Variants in TFAP2D observed in about 807,000 individuals in gnomAD.
TFAP2D encodes the protein transcription factor AP-2 delta.
Under a neutral mutation model 43.6 loss-of-function variants are expected in TFAP2D, and 9 were observed. The observed-to-expected ratio is 0.21, with a 90% CI of 0.12 to 0.36. The LOEUF is 0.36. TFAP2D is among the 10% of genes least tolerant of loss of function. The pLI is 1.00. For missense variants in TFAP2D, 513 were observed against 561.4 expected, an observed-to-expected ratio of 0.91 and a Z score of 0.87; for synonymous variants, 256 against 224.9, an observed-to-expected ratio of 1.14 and a Z score of -1.24.
In TFAP2D at chr6:50,745,258, A is replaced by G. The variant is rs755015192; in HGVS notation, c.1025+10A>G. On this transcript the variant is annotated intron_variant, in intron 6 of 7. Transcript: ENST00000008391. ...TGATCCTGGCGACCAAGTAAGCAGA[A>G]TGGGGAAACCTCTGTGTGCTTTCAT... 1.1e-5 allele frequency: 18 copies of G among 1,613,162 alleles called. No homozygotes were observed. The highest frequency in any genetic ancestry group is 1.4e-5 in the Non-Finnish European group (17 of 1,179,586).
chr6:50,717,735 T>A (rs1013746806), intron 2 of TFAP2D, among the ~76,000 whole-genome samples: 1 of 152,248 alleles, frequency 6.6e-6, no homozygotes, highest in Admixed American at 6.5e-5. Flanking sequence ...AGCAAGTTTG[T>A]AAATCTGACA....
At position 50,745,118 on chromosome 6, in the gene TFAP2D, C is replaced by A; in HGVS notation, c.895C>A (p.His299Asn). The change falls in exon 6 of 8, where the codon CAC becomes AAC. Residue 299 changes from histidine (H) to asparagine (N), a missense_variant. This residue lies in a region of TFAP2D where 199 missense variants were observed against 227.9 expected (regional missense o/e 0.87). Transcript: ENST00000008391. Reference protein sequence around the residue: ...LTSLVEGEALHLARDFGYTCE... With the variant: ...LTSLVEGEALNLARDFGYTCE... The stretch of plus-strand genomic sequence containing the variant: ...TTATCTGCCAACAGGGGAGGCTTTG[C>A]ACTTGGCTCGGGATTTTGGCTACAC... 1.2e-6 allele frequency: 2 copies of A among 1,613,518 alleles called. No individual in the cohort carries two copies. The highest frequency in any genetic ancestry group is 2.2e-5 in the East Asian group (1 of 44,862).
rs1768606334 is a variant in TFAP2D at position 50,715,523 on chromosome 6, C to T, written c.447C>T (p.Ser149=). The part of the protein sequence containing the change: ...AYRRHDLSLM[S]HGSQYGMHPD... ...GCCGCCATGACCTGTCCCTCATGAGCCATGGCTCTCAGTATGGAATGCACC... is the reference window on the plus strand; with the variant it reads ...GCCGCCATGACCTGTCCCTCATGAGTCATGGCTCTCAGTATGGAATGCACC... The change falls in exon 2 of 8, where the codon AGC becomes AGT. Residue 149 remains serine, a synonymous_variant. Coordinates refer to ENST00000008391, the MANE Select transcript of TFAP2D (RefSeq NM_172238.4). 1.2e-6 allele frequency: 2 copies of T among 1,612,796 alleles called. No individual in the cohort carries two copies. Among genetic ancestry groups the T allele is most frequent in the South Asian group, 1.1e-5 (1 of 91,080 alleles).
intron 3 of TFAP2D, among the ~76,000 whole-genome samples, chr6:50,723,109 C>T (rs1433901332): frequency 6.6e-6 from 1 of 152,210 alleles, no homozygotes; most frequent in Admixed American, 6.5e-5. Flanking sequence ...TGTCAGAGCG[C>T]TTAGAGGTGA....
chr6:50,729,355 G>A (rs374406328), intron 5 of TFAP2D, 43 bp downstream of exon 5: 18 of 1,543,642 alleles, frequency 1.2e-5, no homozygotes, highest in East Asian at 9.0e-5. Context: ...GAAGGTTGGC[G>A]TGTCTTTGAA....
At chr6:50,749,887 G>A (rs12211790) in intron 6 of TFAP2D, among the ~76,000 whole-genome samples, 37,253 of 151,736 alleles carry the variant, frequency 0.25, 5,288 homozygotes, top group East Asian at 0.43. Context: ...TTTCACTGAA[G>A]CAGATAAGGA....
At chr6:50,716,286 T>C (rs1026503964) in intron 2 of TFAP2D, among the ~76,000 whole-genome samples, 1 of 152,130 alleles carries the variant, frequency 6.6e-6, no homozygotes, top group Non-Finnish European at 1.5e-5. Flanking sequence ...TGAGTTTAAT[T>C]CTCTCCGCCT....
intron 3 of TFAP2D, among the ~76,000 whole-genome samples, chr6:50,724,093 GTGGGGGGAGAGGTAACA>G (rs1285549768): frequency 6.6e-6 from 1 of 151,710 alleles, no homozygotes; most frequent in South Asian, 2.1e-4. Context: ...ATCTGCTGCC[GTGGGGGGAGAGGTAACA>G]TGGGGGGAGG....
intron 2 of TFAP2D, among the ~76,000 whole-genome samples, chr6:50,717,192 G>A (rs544605770): frequency 2.0e-5 from 3 of 152,298 alleles, no homozygotes; most frequent in East Asian, 3.9e-4. Flanking sequence ...ACAAAGCCGA[G>A]CATTTTTCAA....
At chr6:50,759,672 A>G (rs1769336294) in intron 7 of TFAP2D, among the ~76,000 whole-genome samples, 1 of 152,018 alleles carries the variant, frequency 6.6e-6, no homozygotes, top group African/African-American at 2.4e-5. Context: ...TGTAAAAATT[A>G]TGGTGCAGGC....
At chr6:50,716,854 T>C (rs1768635992) in intron 2 of TFAP2D, among the ~76,000 whole-genome samples, 2 of 152,206 alleles carry the variant, frequency 1.3e-5, no homozygotes, top group Admixed American at 6.5e-5. Context: ...CAAAAAATCT[T>C]TCCTCCTCAT....
chr6:50,719,107 G>C lies in TFAP2D; in HGVS notation c.555G>C (p.Gln185His). Residue 185 changes from glutamine (Q) to histidine (H), a missense_variant, in exon 3 of 8, where the codon CAG becomes CAC. Around this residue, in one of 3 missense-constraint regions of TFAP2D, gnomAD observed 311 missense variants for 316.2 expected, o/e 0.98. Coordinates refer to ENST00000008391, the MANE Select transcript of TFAP2D (RefSeq NM_172238.4). ...ADDLQGSVEA[Q>H]CGLVLNGQGG... Reference sequence around the variant, plus strand: ...TTATTAAGGGCTCTGTGGAGGCCCAGTGTGGGCTTGTTCTCAATGGCCAAG... The same window carrying C: ...TTATTAAGGGCTCTGTGGAGGCCCACTGTGGGCTTGTTCTCAATGGCCAAG... The C allele has an allele frequency of 4.3e-6, 7 of 1,614,024 alleles. No homozygotes were observed. The highest frequency in any genetic ancestry group is 5.1e-6 in the Non-Finnish European group (6 of 1,179,920).
intron 3 of TFAP2D, among the ~76,000 whole-genome samples, chr6:50,722,323 A>G (rs1011186991): frequency 6.6e-6 from 1 of 152,068 alleles, no homozygotes; most frequent in African/African-American, 2.4e-5. Context: ...GTAGGCTTTG[A>G]TATGTTAATA....
chr6:50,760,859 GAGA>G (rs1397642361), intron 7 of TFAP2D, among the ~76,000 whole-genome samples: 1 of 151,386 alleles, frequency 6.6e-6, no homozygotes, highest in Non-Finnish European at 1.5e-5. Context: ...AGGTTGGGCG[GAGA>G]AGACCTACAA....
chr6:50,753,600 CT>C (rs1447201956), intron 7 of TFAP2D, among the ~76,000 whole-genome samples: 2 of 140,558 alleles, frequency 1.4e-5, no homozygotes, highest in African/African-American at 2.6e-5. Context: ...ACCCTCACCC[CT>C]AGTGAAAAAG....
chr6:50,772,532 A>C, intron 7 of TFAP2D, 113 bp from the exon 8 acceptor site: 1 of 895,640 alleles, frequency 1.1e-6, no homozygotes, highest in Non-Finnish European at 1.7e-6. Context: ...ATCATTTAGG[A>C]ACACAATGAA....
At chr6:50,741,327 G>C (rs1488335575) in intron 5 of TFAP2D, among the ~76,000 whole-genome samples, 1 of 152,034 alleles carries the variant, frequency 6.6e-6, no homozygotes, top group Non-Finnish European at 1.5e-5. Context: ...ACAAATGCAA[G>C]TTTGTTACAT....
At position 50,715,092 on chromosome 6, in the gene TFAP2D, C is replaced by T. The variant is rs896796363; in HGVS notation, c.40-24C>T. The stretch of plus-strand genomic sequence containing the variant: ...GACAAACCTCAAGTTTTTCTGCTCT[C>T]CCTTTTCCCCCTCTTCCTTCCAGAT... On this transcript the variant is annotated intron_variant, in intron 1 of 7. Coordinates refer to ENST00000008391, the MANE Select transcript of TFAP2D (RefSeq NM_172238.4). 5.0e-6 allele frequency: 8 copies of T among 1,603,132 alleles called. No homozygotes were observed. The African/African-American group carries it at 9.4e-5, about 19-fold the overall frequency.
At chr6:50,757,774 AT>A (rs1769308029) in intron 7 of TFAP2D, among the ~76,000 whole-genome samples, 1 of 108,466 alleles carries the variant, frequency 9.2e-6, no homozygotes, top group Non-Finnish European at 1.8e-5. Context: ...TAGAATATAT[AT>A]AATTATTCTA....
Sources: gnomAD v4.1 joint callset for allele counts (sites outside exome capture counted in the v4.1 genomes callset) on GRCh38, gnomAD v4.1.1 for gene constraint, gnomAD v4.1.1 regional missense constraint, MANE v1.5 for transcripts, NCBI Gene and HGNC (gene_info 2026-07-23, HGNC 2026-07-21) for gene names.